Variants in JAKMIP3 observed in about 807,000 individuals in gnomAD.
JAKMIP3 encodes Janus kinase and microtubule interacting protein 3.
In JAKMIP3, 58 loss-of-function variants were observed where a neutral mutation model predicts 118.5. The observed-to-expected ratio is 0.49, with a 90% CI of 0.40 to 0.61. The LOEUF (loss-of-function observed/expected upper bound fraction) is 0.61, where lower values mean the gene tolerates loss of function less well. Among genes scored for constraint, JAKMIP3 ranks in the 20% least tolerant of loss-of-function variants. The pLI is 0.00. For missense variants in JAKMIP3, 950 were observed against 1,109.0 expected, an observed-to-expected ratio of 0.86 and a Z score of 2.04; for synonymous variants, 486 against 451.2, an observed-to-expected ratio of 1.08 and a Z score of -0.98.
intron 1 of JAKMIP3, among the ~76,000 whole-genome samples, chr10:132,076,047 A>C (rs1589755811): frequency 6.6e-6 from 1 of 152,292 alleles, no homozygotes; most frequent in South Asian, 2.1e-4. Flanking sequence ...TGTCCACTCA[A>C]GTGTGCATTC....
chr10:132,127,632 GTTC>G (rs2049879583), intron 3 of JAKMIP3, among the ~76,000 whole-genome samples: 2 of 151,964 alleles, frequency 1.3e-5, no homozygotes, highest in African/African-American at 4.8e-5. Context: ...GAGAATTTGT[GTTC>G]TTCTCTCGCT....
At chr10:132,159,978 G>C (rs1468671514) in intron 19 of JAKMIP3, among the ~76,000 whole-genome samples, 24 of 29,098 alleles carry the variant, frequency 8.2e-4, no homozygotes, top group African/African-American at 3.4e-3. Context: ...ATGCTGGTGG[G>C]GGTCTACTTC....
At chr10:132,114,341 A>G (rs2047310347) in intron 2 of JAKMIP3, among the ~76,000 whole-genome samples, 1 of 152,214 alleles carries the variant, frequency 6.6e-6, no homozygotes, top group Non-Finnish European at 1.5e-5. Flanking sequence ...CATCTTCCCA[A>G]GTAGCTGGGA....
intron 3 of JAKMIP3, among the ~76,000 whole-genome samples, chr10:132,128,781 T>G (rs936570864): frequency 2.0e-5 from 3 of 152,266 alleles, no homozygotes; most frequent in African/African-American, 7.2e-5. Context: ...TACTGCATTT[T>G]ATTCATTTTC....
chr10:132,047,687 G>A (rs1441852517), intron 1 of JAKMIP3, among the ~76,000 whole-genome samples: 2 of 43,384 alleles, frequency 4.6e-5, no homozygotes, highest in Non-Finnish European at 9.2e-5. Context: ...CTCCCGTCCC[G>A]CCCCCCGCAG....
At chr10:132,164,557 A>G in intron 20 of JAKMIP3, 113 bp from the exon 21 acceptor site, 1 of 721,360 alleles carries the variant, frequency 1.4e-6, no homozygotes, top group Admixed American at 2.4e-5. Context: ...GGCCATGGCC[A>G]TGCCAGCTGC....
In JAKMIP3 at chr10:132,104,762, C is replaced by A; in HGVS notation, c.-47C>A. 6.5e-7 allele frequency: 1 copy of A among 1,535,846 alleles called. No individual in the cohort carries two copies. The highest frequency in any genetic ancestry group is 1.2e-5 in the South Asian group (1 of 82,898). ...CCCAGCCACCCCCAGCCCAGCCCAG[C>A]CGGAGCACCCTACCCCTGGGCATCC... On this transcript the variant is annotated 5_prime_UTR_variant, in exon 2 of 24. Coordinates refer to ENST00000684848, the MANE Select transcript of JAKMIP3 (RefSeq NM_001323087.2).
At chr10:132,130,833 G>A (rs537263285) in intron 3 of JAKMIP3, among the ~76,000 whole-genome samples, 5 of 152,260 alleles carry the variant, frequency 3.3e-5, no homozygotes, top group East Asian at 3.9e-4. Flanking sequence ...TCACAGCAGG[G>A]AGGCTTATGA....
intron 19 of JAKMIP3, among the ~76,000 whole-genome samples, chr10:132,161,723 T>G (rs2058356619): frequency 1.7e-4 from 6 of 36,246 alleles, no homozygotes; most frequent in Admixed American, 3.4e-4. Context: ...TCTCTCCCTG[T>G]GTGATGCTGG....
chr10:132,056,087 C>T (rs1160141339), intron 1 of JAKMIP3, among the ~76,000 whole-genome samples: 2 of 152,136 alleles, frequency 1.3e-5, no homozygotes, highest in Non-Finnish European at 2.9e-5. Context: ...TGTTTGTGGT[C>T]AGTTTGTGTT....
intron 1 of JAKMIP3, among the ~76,000 whole-genome samples, chr10:132,072,957 C>T (rs1326041383): frequency 2.6e-5 from 4 of 152,110 alleles, no homozygotes; most frequent in East Asian, 1.9e-4. Context: ...TCTGTCTGTC[C>T]GTGTGTTCCC....
At chr10:132,068,062 T>C (rs2039178718) in intron 1 of JAKMIP3, among the ~76,000 whole-genome samples, 1 of 144,920 alleles carries the variant, frequency 6.9e-6, no homozygotes, top group African/African-American at 2.6e-5. Flanking sequence ...ACTGTGGGCT[T>C]CCGTGTGGAC....
chr10:132,053,072 C>G (rs1365086743), intron 1 of JAKMIP3, among the ~76,000 whole-genome samples: 9 of 152,170 alleles, frequency 5.9e-5, no homozygotes, highest in South Asian at 2.1e-4. Flanking sequence ...TGTGGGGTTT[C>G]TCTGAGACCT....
At chr10:132,108,566 T>A (rs1343299022) in intron 2 of JAKMIP3, among the ~76,000 whole-genome samples, 1 of 151,886 alleles carries the variant, frequency 6.6e-6, no homozygotes, top group Non-Finnish European at 1.5e-5. Flanking sequence ...TCTCTGACCC[T>A]GCTCCTACCT....
chr10:132,111,103 G>A (rs187462190), intron 2 of JAKMIP3, among the ~76,000 whole-genome samples: 3 of 152,314 alleles, frequency 2.0e-5, no homozygotes, highest in African/African-American at 4.8e-5. Flanking sequence ...CACACCTTTC[G>A]GAGGTGCCCG....
At chr10:132,114,385 TTTAA>T (rs2047318901) in intron 2 of JAKMIP3, among the ~76,000 whole-genome samples, 1 of 152,346 alleles carries the variant, frequency 6.6e-6, no homozygotes, top group Admixed American at 6.5e-5. Flanking sequence ...TGGCTAATTT[TTTAA>T]TTAATTTATT....
intron 1 of JAKMIP3, among the ~76,000 whole-genome samples, chr10:132,082,721 CT>C (rs1270640536): frequency 6.6e-6 from 1 of 152,122 alleles, no homozygotes; most frequent in East Asian, 1.9e-4. Context: ...AGCGATTCTC[CT>C]GCCTCAGCCT....
At chr10:132,104,046 G>T (rs2045524412) in intron 1 of JAKMIP3, among the ~76,000 whole-genome samples, 2 of 152,204 alleles carry the variant, frequency 1.3e-5, no homozygotes, top group African/African-American at 4.8e-5. Context: ...GTCATAGCGT[G>T]TGTCCGAATC....
intron 2 of JAKMIP3, among the ~76,000 whole-genome samples, chr10:132,105,649 CTCCTT>C (rs1275716732): frequency 1.3e-5 from 2 of 152,330 alleles, no homozygotes; most frequent in South Asian, 4.1e-4. Flanking sequence ...CCTTTGCCCT[CTCCTT>C]TCCATCTCCT....
Sources: gnomAD v4.1 joint callset for allele counts (sites outside exome capture counted in the v4.1 genomes callset) on GRCh38, gnomAD v4.1.1 for gene constraint, MANE v1.5 for transcripts, NCBI Gene and HGNC (gene_info 2026-07-23, HGNC 2026-07-21) for gene names.